ZNFX1: variants seen among roughly 807,000 people sequenced by gnomAD.
ZNFX1 encodes NFX1-type zinc finger-containing protein 1.
ZNFX1 carries 78 observed loss-of-function variants against 179.8 expected under a neutral mutation model. The ratio of observed to expected loss-of-function variants is 0.43; its 90% confidence interval spans 0.36 to 0.52. The LOEUF (loss-of-function observed/expected upper bound fraction) is 0.52, where lower values mean the gene tolerates loss of function less well. Among genes scored for constraint, ZNFX1 ranks in the 20% least tolerant of loss-of-function variants. ZNFX1 has a pLI of 0.00. For synonymous variants in ZNFX1, 848 were observed against 868.5 expected, an observed-to-expected ratio of 0.98 and a Z score of 0.42; for missense variants, 1,927 against 2,386.6, an observed-to-expected ratio of 0.81 and a Z score of 4.01.
At position 49,248,996 on chromosome 20, in the gene ZNFX1, G is replaced by A. The variant is rs1229845761; in HGVS notation, c.4028C>T (p.Pro1343Leu). The A allele has an allele frequency of 1.2e-6, 2 of 1,614,180 alleles. No individual in the cohort carries two copies. Among genetic ancestry groups the A allele is most frequent in the Non-Finnish European group, 1.7e-6 (2 of 1,180,020 alleles). Residue 1343 changes from proline (P) to leucine (L), a missense_variant, in exon 14 of 14, where the codon CCT (proline) becomes CTT (leucine). Transcript: ENST00000396105. This position sits in a 1 kb window ranked among gnomAD's most constrained non-coding sequence, Gnocchi z 4.6. Reference sequence around the variant, plus strand: ...GGTTTTGGGCACCTTCACCTGACAAGGCTGACACTCCTGGAAGCAAACAAG... The same window carrying A: ...GGTTTTGGGCACCTTCACCTGACAAAGCTGACACTCCTGGAAGCAAACAAG... ...CPLVCFQECQ[P>L]CQVKVPKTIP...
chr20:49,252,875 T>C, intron 11 of ZNFX1, 45 bp from the exon 12 acceptor site: 1 of 1,467,760 alleles, frequency 6.8e-7, no homozygotes, highest in Non-Finnish European at 9.5e-7. Flanking sequence ...GATAAAGTCA[T>C]TTAACCATCC....
At position 49,270,698 on chromosome 20, in the gene ZNFX1, G is replaced by A. The variant is rs1398488211; in HGVS notation, c.1114C>T (p.His372Tyr). 1.2e-6 allele frequency: 2 copies of A among 1,614,162 alleles called. No homozygotes were observed. Among genetic ancestry groups the A allele is most frequent in the Admixed American group, 3.3e-5 (2 of 60,008 alleles). ...AAATCTTCTCGCAGGAGCCGGAAGT[G>A]GGTATCCAGATAGATAGCAGTGCTG... ...YDSTAIYLDT[H>Y]FRLLREDFVR... Residue 372 changes from histidine to tyrosine, a missense_variant, in exon 3 of 14, where the codon CAC becomes TAC. Physicochemically the swap from His to Tyr is moderately conservative, Grantham distance 83. Transcript: ENST00000396105. The surrounding 1 kb of genome is among the most constrained non-coding windows in gnomAD (Gnocchi z 4.6).
intron 13 of ZNFX1, among the ~76,000 whole-genome samples, chr20:49,250,581 T>G (rs959322476): frequency 6.6e-6 from 1 of 152,054 alleles, no homozygotes; most frequent in African/African-American, 2.4e-5. Context: ...CAGAGTTCAC[T>G]CTTGTTGCGT....
rs1036223793 is a variant in ZNFX1, at chr20:49,262,874, C to T, written c.2301+460G>A. On this transcript the variant is annotated intron_variant, in intron 6 of 13. Coordinates refer to ENST00000396105, the MANE Select transcript of ZNFX1 (RefSeq NM_021035.3). The stretch of plus-strand genomic sequence containing the variant: ...AAGTTCTCTATCTGTGCTAGTTTGC[C>T]TCTGGTTATGATTTTCTTCATTTCA... Among the ~76,000 whole-genome samples the T allele has an allele frequency of 3.9e-5, 6 of 152,164 alleles. No homozygotes were observed. The East Asian group carries it at 9.6e-4, about 24-fold the overall frequency.
intron 8 of ZNFX1, among the ~76,000 whole-genome samples, chr20:49,257,047 A>G (rs1016216332): frequency 2.0e-5 from 3 of 152,154 alleles, no homozygotes; most frequent in African/African-American, 7.2e-5. Flanking sequence ...GCTTACTTTA[A>G]TCCTCTAAAA....
Position 49,253,744 on chromosome 20 carries a change from C to G in ZNFX1, c.3027G>C (p.Ala1009=). The change falls in exon 11 of 14, where the codon GCG becomes GCC. Residue 1009 remains alanine (A), a synonymous_variant. Coordinates refer to ENST00000396105, the MANE Select transcript of ZNFX1 (RefSeq NM_021035.3). The part of the protein sequence containing the change: ...EPRIVIVEEA[A]EVLEAHTIAT... ...CAATGGTATGGGCCTCAAGGACTTC[C>G]GCAGCTTCTTCCACTATGACAATCC... The G allele has an allele frequency of 1.2e-6, 2 of 1,614,174 alleles. No homozygotes were observed. Among genetic ancestry groups the G allele is most frequent in the Non-Finnish European group, 1.7e-6 (2 of 1,180,036 alleles).
rs749993256 is a variant in ZNFX1, at chr20:49,248,998, C to T, written c.4026G>A (p.Gln1342=). ...RCPLVCFQEC[Q]PCQVKVPKTI... ...TTTTGGGCACCTTCACCTGACAAGGCTGACACTCCTGGAAGCAAACAAGGG... is the reference window on the plus strand; with the variant it reads ...TTTTGGGCACCTTCACCTGACAAGGTTGACACTCCTGGAAGCAAACAAGGG... Residue 1342 remains glutamine (Q), a synonymous_variant, in exon 14 of 14, where the codon CAG becomes CAA. Coordinates refer to ENST00000396105, the MANE Select transcript of ZNFX1 (RefSeq NM_021035.3). The surrounding 1 kb of genome is among the most constrained non-coding windows in gnomAD (Gnocchi z 4.6). 6.2e-7 allele frequency: 1 copy of T among 1,614,224 alleles called. No individual in the cohort carries two copies. Among genetic ancestry groups the T allele is most frequent in the Non-Finnish European group, 8.5e-7 (1 of 1,180,032 alleles).
rs1980714343 is a variant in ZNFX1 at position 49,247,688 on chromosome 20, T to C, written c.5336A>G (p.Lys1779Arg). 6.2e-7 allele frequency: 1 copy of C among 1,614,146 alleles called. No homozygotes were observed. Among genetic ancestry groups the C allele is most frequent in the East Asian group, 2.2e-5 (1 of 44,886 alleles). Residue 1779 changes from lysine (K) to arginine (R), a missense_variant, in exon 14 of 14, where the codon AAG becomes AGG. Transcript: ENST00000396105. ...LLTRYKIAEK[K>R]VKDSIAVEVY... Reference sequence around the variant, plus strand: ...CTCTACTGCTATGCTATCTTTCACCTTCTTCTCTGCTATCTTGTAGCGGGT... The same window carrying C: ...CTCTACTGCTATGCTATCTTTCACCCTCTTCTCTGCTATCTTGTAGCGGGT...
Position 49,246,725 on chromosome 20 carries a change from T to G in ZNFX1, c.*542A>C. On this transcript the variant is annotated 3_prime_UTR_variant, in exon 14 of 14. Coordinates refer to ENST00000396105, the MANE Select transcript of ZNFX1 (RefSeq NM_021035.3). Reference sequence around the variant, plus strand: ...TGTTCCAGGGAGTCTGTCCACTAATTTGCAGGAGAGAAGGGGTGAGATTTG... The same window carrying G: ...TGTTCCAGGGAGTCTGTCCACTAATGTGCAGGAGAGAAGGGGTGAGATTTG... 2.5e-6 allele frequency: 1 copy of G among 396,434 alleles called. No homozygotes were observed. The highest frequency in any genetic ancestry group is 7.2e-5 in the East Asian group (1 of 13,810). The allele number at this position is 396,434 out of a possible 1,614,324, so 24.6% of individuals were successfully genotyped here.
chr20:49,275,981 T>C, intron 1 of ZNFX1, 94 bp from the exon 2 acceptor site: 1 of 741,948 alleles, frequency 1.3e-6, no homozygotes, highest in Non-Finnish European at 2.2e-6. Flanking sequence ...TTTGTTAACA[T>C]TTTAATGATT....
intron 10 of ZNFX1, 46 bp from the exon 11 acceptor site, chr20:49,253,857 G>C: frequency 6.2e-7 from 1 of 1,606,512 alleles, no homozygotes; most frequent in Non-Finnish European, 8.5e-7. Flanking sequence ...CTGAGGCACA[G>C]GACCCACAGG....
At chr20:49,260,849 G>C (rs1981096172) in intron 6 of ZNFX1, among the ~76,000 whole-genome samples, 3 of 152,214 alleles carry the variant, frequency 2.0e-5, no homozygotes, top group Admixed American at 2.0e-4. Flanking sequence ...GGGAGGCTGA[G>C]GCAGGCGGAT....
At chr20:49,274,160 A>G (rs1981494344) in intron 2 of ZNFX1, among the ~76,000 whole-genome samples, 1 of 152,248 alleles carries the variant, frequency 6.6e-6, no homozygotes, top group African/African-American at 2.4e-5. Context: ...TGCACTATCC[A>G]ATACAAAGCC....
intron 11 of ZNFX1, 29 bp downstream of exon 11, chr20:49,253,637 C>T (rs1980897728): frequency 3.1e-6 from 5 of 1,612,982 alleles, no homozygotes; most frequent in Non-Finnish European, 4.2e-6. Context: ...GGAGAGCCAG[C>T]CCATCTTCTA....
At chr20:49,256,095 T>C in intron 8 of ZNFX1, 148 bp from the exon 9 acceptor site, 1 of 1,019,982 alleles carries the variant, frequency 9.8e-7, no homozygotes, top group South Asian at 1.7e-5. Flanking sequence ...GCTCTTCCAC[T>C]GTAGAGTGGC....
At position 49,275,799 on chromosome 20, in the gene ZNFX1, T is replaced by G; in HGVS notation, c.41A>C (p.Asn14Thr). 6.2e-7 allele frequency: 1 copy of G among 1,614,200 alleles called. No homozygotes were observed. The highest frequency in any genetic ancestry group is 8.5e-7 in the Non-Finnish European group (1 of 1,180,018). The change falls in exon 2 of 14, where the codon AAT becomes ACT. Residue 14 changes from asparagine (N) to threonine (T), a missense_variant. Coordinates refer to ENST00000396105, the MANE Select transcript of ZNFX1 (RefSeq NM_021035.3). ...CTTACCTCTGTGGTTGGTATGGGAATTCCTGGGCCTGGCATCCAGATGAGG... is the reference window on the plus strand; with the variant it reads ...CTTACCTCTGTGGTTGGTATGGGAAGTCCTGGGCCTGGCATCCAGATGAGG... ...RRPHLDARPRNSHTNHRGPVD... is the reference protein window; with the variant it reads ...RRPHLDARPRTSHTNHRGPVD...
rs770995028 is a variant in ZNFX1 at position 49,271,749 on chromosome 20, G to T, written c.63C>A (p.Gly21=). Residue 21 remains glycine, a splice_region_variant and synonymous_variant, in exon 3 of 14, where the codon GGC becomes GGA. Coordinates refer to ENST00000396105, the MANE Select transcript of ZNFX1 (RefSeq NM_021035.3). ...TTGGTGGTAACTCTCCATCCACAGG[G>T]CCTAAACACAATGAAATATTGAGTA... is the stretch of plus-strand genomic sequence containing the variant. ...RPRNSHTNHR[G]PVDGELPPRA... 6.3e-7 allele frequency: 1 copy of T among 1,599,558 alleles called. No homozygotes were observed. The highest frequency in any genetic ancestry group is 8.5e-7 in the Non-Finnish European group (1 of 1,171,586).
In ZNFX1 at chr20:49,248,921, G is replaced by T. The variant is rs1980757269; in HGVS notation, c.4103C>A (p.Ser1368Ter). The change falls in exon 14 of 14, where the codon TCA (serine) becomes TAA (stop). Residue 1368 changes from serine to a stop codon, truncating the protein, a stop_gained. Coordinates refer to ENST00000396105, the MANE Select transcript of ZNFX1 (RefSeq NM_021035.3). LOFTEE classifies it high-confidence loss of function. The surrounding 1 kb of genome is among the most constrained non-coding windows in gnomAD (Gnocchi z 4.6). Reference sequence around the variant, plus strand: ...GCAAGGCTCCTGGCAGCAGAAATCTGACTCAGGCACGGAACAAGGGACCAT... The same window carrying T: ...GCAAGGCTCCTGGCAGCAGAAATCTTACTCAGGCACGGAACAAGGGACCAT... ...EQMVPCSVPE[S>*]DFCCQEPCSK... 6.2e-7 allele frequency: 1 copy of T among 1,614,142 alleles called. No homozygotes were observed. The highest frequency in any genetic ancestry group is 8.5e-7 in the Non-Finnish European group (1 of 1,180,064).
intron 10 of ZNFX1, 96 bp downstream of exon 10, chr20:49,254,399 A>G (rs1980917269): frequency 2.7e-6 from 4 of 1,467,876 alleles, no homozygotes; most frequent in East Asian, 2.3e-5. Flanking sequence ...ATTTTCCTCT[A>G]ACCTACCAAA....
Sources: allele counts gnomAD v4.1 joint callset (sites outside exome capture counted in the v4.1 genomes callset), GRCh38; gene constraint gnomAD v4.1.1; non-coding constraint Gnocchi (gnomAD v3.1); transcripts MANE v1.5; gene names NCBI Gene and HGNC (gene_info 2026-07-23, HGNC 2026-07-21).